The following ZNF487 variants were observed in gnomAD, a reference collection of about 807,000 sequenced individuals.
ZNF487 encodes KRAB domain only 1.
ZNF487 carries 4 observed loss-of-function variants against 3.0 expected under a neutral mutation model. The observed-to-expected ratio is 1.35, with a 90% CI of 0.66 to 3.08. The LOEUF (loss-of-function observed/expected upper bound fraction) is 3.08, where lower values mean the gene tolerates loss of function less well. Ranked by LOEUF, ZNF487 falls within the 30% of genes most tolerant of loss-of-function variation. ZNF487 has a pLI of 0.01. For synonymous variants in ZNF487, 55 were observed against 34.6 expected, an observed-to-expected ratio of 1.59 and a Z score of -2.06; for missense variants, 146 against 98.7, an observed-to-expected ratio of 1.48 and a Z score of -2.03.
At chr10:43,466,959 C>T (rs1387276467) in intron 1 of ZNF487, among the ~76,000 whole-genome samples, 2 of 151,944 alleles carry the variant, frequency 1.3e-5, no homozygotes, top group Admixed American at 1.3e-4. Context: ...ACCTCCACCT[C>T]CTAGGTTTGG....
At chr10:43,491,439 A>G in the ZNF487 span, among the ~76,000 whole-genome samples, 1 of 151,410 alleles carries the variant, frequency 6.6e-6, no homozygotes, top group East Asian at 1.9e-4. Flanking sequence ...CATCTGATTC[A>G]CTGCTGGTTT....
chr10:43,502,337 A>G, the ZNF487 span, among the ~76,000 whole-genome samples: 1 of 151,336 alleles, frequency 6.6e-6, no homozygotes. Flanking sequence ...AACAATGAGA[A>G]CACTTGGACA....
At chr10:43,451,492 G>A (rs947341581) in intron 1 of ZNF487, among the ~76,000 whole-genome samples, 4 of 150,388 alleles carry the variant, frequency 2.7e-5, no homozygotes, top group Non-Finnish European at 4.4e-5. Context: ...TGATCCACCC[G>A]CCTTGGCCTC....
At chr10:43,505,094 A>G in the ZNF487 span, among the ~76,000 whole-genome samples, 1 of 151,538 alleles carries the variant, frequency 6.6e-6, no homozygotes, top group Non-Finnish European at 1.5e-5. Flanking sequence ...GTCACAGTGC[A>G]CTGAGACCTC....
the ZNF487 span, among the ~76,000 whole-genome samples, chr10:43,502,799 G>C: frequency 6.6e-6 from 1 of 152,144 alleles, no homozygotes; most frequent in South Asian, 2.1e-4. Context: ...GCGGGGCCAA[G>C]CCGGGTGAAT....
chr10:43,459,586 T>A (rs771480246), intron 1 of ZNF487, among the ~76,000 whole-genome samples: 1 of 151,968 alleles, frequency 6.6e-6, no homozygotes, highest in Non-Finnish European at 1.5e-5. Flanking sequence ...AAAAAAAAAT[T>A]TTTAAGTCAG....
chr10:43,457,508 T>C (rs1033774340), intron 1 of ZNF487, among the ~76,000 whole-genome samples: 5 of 148,038 alleles, frequency 3.4e-5, no homozygotes, highest in African/African-American at 7.5e-5. Flanking sequence ...TGAGCCGAGA[T>C]TGCATCACTG....
At chr10:43,467,619 C>A (rs1840754630) in intron 1 of ZNF487, among the ~76,000 whole-genome samples, 1 of 151,760 alleles carries the variant, frequency 6.6e-6, no homozygotes, top group Non-Finnish European at 1.5e-5. Flanking sequence ...GAGTTTGATA[C>A]CAGCCTGGCA....
At chr10:43,475,623 A>G (rs1238739405) in intron 1 of ZNF487, 98 bp from the exon 2 acceptor site, 8 of 711,514 alleles carry the variant, frequency 1.1e-5, no homozygotes, top group African/African-American at 8.7e-5. Context: ...TTTCTCTTCA[A>G]CTATCAACAG....
In ZNF487 at chr10:43,482,096, C is replaced by T. The variant is rs535976674; in HGVS notation, c.*174C>T. On this transcript the variant is annotated 3_prime_UTR_variant, in exon 4 of 4. Transcript: ENST00000437590. ...GAGATGAAATACTATGAGTGTAATG[C>T]GAGTGAGAATAGTTTTGGCAAGAAA... 27 of 572,290 alleles carry T rather than the reference C, an allele frequency of 4.7e-5. No homozygotes were observed. The highest frequency in any genetic ancestry group is 3.5e-4 in the African/African-American group (19 of 53,602). The allele number at this position is 572,290 out of a possible 1,614,324, so 35.5% of individuals were successfully genotyped here. A position where few individuals can be genotyped will look rare whatever the true frequency, so the allele number is the denominator to read the frequency against.
chr10:43,499,882 CATTTTATTTT>C, the ZNF487 span, among the ~76,000 whole-genome samples: 1 of 151,978 alleles, frequency 6.6e-6, no homozygotes, highest in East Asian at 1.9e-4. Context: ...TCATCTATTT[CATTTTATTTT>C]ATTTTATTTT....
chr10:43,480,147 G>A (rs1196663470), intron 3 of ZNF487, among the ~76,000 whole-genome samples: 1 of 143,278 alleles, frequency 7.0e-6, no homozygotes, highest in Non-Finnish European at 1.5e-5. Flanking sequence ...TTGCTCTCTT[G>A]CCCAGGCTGG....
intron 1 of ZNF487, among the ~76,000 whole-genome samples, chr10:43,473,490 A>G (rs1354339288): frequency 6.6e-6 from 1 of 151,934 alleles, no homozygotes; most frequent in African/African-American, 2.4e-5. Context: ...AAGCCCATTT[A>G]TAATTTTTGT....
At chr10:43,504,300 T>TG in the ZNF487 span, among the ~76,000 whole-genome samples, 18,501 of 143,224 alleles carry the variant, frequency 0.13, 2,593 homozygotes, top group African/African-American at 0.35. Context: ...TTTCTTTTTT[T>TG]TTTTTTTTTT....
At chr10:43,511,477 T>TAATGACGACAAACCTCTGTCCATTCC in the ZNF487 span, among the ~76,000 whole-genome samples, 4 of 152,206 alleles carry the variant, frequency 2.6e-5, no homozygotes, top group African/African-American at 9.6e-5. Flanking sequence ...GTGTCTATTC[T>TAATGACGACAAACCTCTGTCCATTCC]AATGACGACA....
chr10:43,475,676 T>C (rs761978135), intron 1 of ZNF487, 45 bp from the exon 2 acceptor site: 5 of 766,760 alleles, frequency 6.5e-6, no homozygotes, highest in Non-Finnish European at 1.2e-5. Flanking sequence ...TTGTATGCTC[T>C]CCACTTCTGA....
At chr10:43,486,983 A>G (rs919857156), downstream of ZNF487, among the ~76,000 whole-genome samples, 8 of 152,240 alleles carry the variant, frequency 5.3e-5, no homozygotes, top group Non-Finnish European at 7.3e-5. Flanking sequence ...TATAAAATCT[A>G]ATCTCAACAA....
the ZNF487 span, among the ~76,000 whole-genome samples, chr10:43,522,539 G>A: frequency 7.2e-5 from 11 of 152,122 alleles, no homozygotes; most frequent in Non-Finnish European, 1.5e-4. Flanking sequence ...TTCGAGACCA[G>A]CCTGGCAAAG....
intron 1 of ZNF487, among the ~76,000 whole-genome samples, chr10:43,469,890 C>T (rs1040164750): frequency 9.9e-5 from 15 of 151,384 alleles, no homozygotes; most frequent in African/African-American, 3.7e-4. Flanking sequence ...GCAGAGGTTG[C>T]AGTGAGCTGA....
Sources: allele counts gnomAD v4.1 joint callset (sites outside exome capture counted in the v4.1 genomes callset), GRCh38; gene constraint gnomAD v4.1.1; transcripts MANE v1.5; gene names NCBI Gene and HGNC (gene_info 2026-07-23, HGNC 2026-07-21).